The following FBN1 variants were observed in gnomAD, a reference collection of about 807,000 sequenced individuals.
FBN1 encodes fibrillin 1.
Under a neutral mutation model 365.1 loss-of-function variants are expected in FBN1, and 29 were observed. That is an observed-to-expected ratio of 0.08 (90% CI 0.06 to 0.11). FBN1 has a LOEUF of 0.11. Ranked by LOEUF, FBN1 falls within the 10% of genes least tolerant of loss-of-function variation. FBN1 has a pLI of 1.00. For synonymous variants in FBN1, 1,210 were observed against 1,270.5 expected (o/e 0.95, Z 1.01); for missense variants, 2,476 against 3,703.2 (o/e 0.67, Z 8.60).
At chr15:48,536,938 A>G (rs1257171329) in intron 7 of FBN1, among the ~76,000 whole-genome samples, 1 of 152,170 alleles carries the variant, frequency 6.6e-6, no homozygotes, top group Non-Finnish European at 1.5e-5. Flanking sequence ...TTTCAATCCC[A>G]TCAGTTTAGT....
chr15:48,630,731 C>CAAAAAAAAAAAAAAA (rs11393587), intron 2 of FBN1, among the ~76,000 whole-genome samples: 9 of 111,062 alleles, frequency 8.1e-5, no homozygotes, highest in East Asian at 2.7e-4. Flanking sequence ...GACTCCATCT[C>CAAAAAAAAAAAAAAA]AAAAAAAAAA....
At chr15:48,607,374 A>ATC (rs562248904) in intron 4 of FBN1, among the ~76,000 whole-genome samples, 1,848 of 147,916 alleles carry the variant, frequency 0.012, 40 homozygotes, top group African/African-American at 0.044. Context: ...ATACATATAT[A>ATC]TATATATATA....
rs1409603324 is a variant in FBN1 at position 48,425,347 on chromosome 15, G to C, written c.7453+22C>G. The C allele has an allele frequency of 1.9e-6, 3 of 1,613,854 alleles. No homozygotes were observed. In the African/African-American group the frequency reaches 4.0e-5, roughly 22 times the overall value. On this transcript the variant is annotated intron_variant, in intron 60 of 65. Transcript: ENST00000316623. Reference sequence around the variant, plus strand: ...CCATGTGTCAGGAGCTAGGTGAGGGGCAATGGTCAATTCTACTTTACCTTT... The same window carrying C: ...CCATGTGTCAGGAGCTAGGTGAGGGCCAATGGTCAATTCTACTTTACCTTT...
chr15:48,467,239 A>C (rs2043330576), intron 38 of FBN1, among the ~76,000 whole-genome samples: 1 of 152,214 alleles, frequency 6.6e-6, no homozygotes. Flanking sequence ...GATCTAGTCT[A>C]ATTCATCTTT....
intron 2 of FBN1, among the ~76,000 whole-genome samples, chr15:48,635,530 T>C (rs1416829134): frequency 6.6e-6 from 1 of 152,190 alleles, no homozygotes; most frequent in Non-Finnish European, 1.5e-5. Flanking sequence ...TAACCCCTAA[T>C]TTAAAAAATT....
intron 6 of FBN1, among the ~76,000 whole-genome samples, chr15:48,584,578 G>A (rs2044421513): frequency 6.6e-6 from 1 of 152,156 alleles, no homozygotes; most frequent in Non-Finnish European, 1.5e-5. Context: ...CTCCCAGTTG[G>A]CTCCGTCAAG....
intron 35 of FBN1, 73 bp from the exon 36 acceptor site, chr15:48,470,829 G>A: frequency 4.0e-6 from 6 of 1,509,690 alleles, no homozygotes; most frequent in Non-Finnish European, 5.4e-6. Flanking sequence ...AATATAATTA[G>A]GCAACTAATG....
chr15:48,621,633 A>T (rs1213882629), intron 2 of FBN1, among the ~76,000 whole-genome samples: 1 of 152,218 alleles, frequency 6.6e-6, no homozygotes. Context: ...TAAAAAGGAC[A>T]TTAAGTAAAA....
At chr15:48,537,906 G>T in intron 6 of FBN1, 98 bp from the exon 7 acceptor site, 1 of 1,232,542 alleles carries the variant, frequency 8.1e-7, no homozygotes, top group Non-Finnish European at 1.2e-6. Context: ...TCCAAATTGA[G>T]AAATGAATTT....
At position 48,534,066 on chromosome 15, in the gene FBN1, A is replaced by G; in HGVS notation, c.862+14T>C. ...CCACTACACCCCCCAACTGCAAAGC[A>G]TAAGATTTCTTACCTTCACATTTTT... On this transcript the variant is annotated intron_variant, in intron 8 of 65. Transcript: ENST00000316623. 1.3e-6 allele frequency: 2 copies of G among 1,597,424 alleles called. No individual in the cohort carries two copies. Among genetic ancestry groups the G allele is most frequent in the Non-Finnish European group, 8.5e-7 (1 of 1,169,634 alleles).
chr15:48,419,023 C>A (rs1323881334), intron 63 of FBN1, among the ~76,000 whole-genome samples: 3 of 152,150 alleles, frequency 2.0e-5, no homozygotes, highest in Non-Finnish European at 4.4e-5. Context: ...GAACTTCCAG[C>A]CACCTGGGAG....
intron 60 of FBN1, among the ~76,000 whole-genome samples, chr15:48,425,093 T>C (rs754748458): frequency 3.3e-5 from 5 of 151,926 alleles, no homozygotes; most frequent in South Asian, 2.1e-4. Flanking sequence ...ACCAGAGCCA[T>C]TGAAGCTGGC....
chr15:48,637,699 C>A (rs1308965919), intron 2 of FBN1, among the ~76,000 whole-genome samples: 1 of 152,192 alleles, frequency 6.6e-6, no homozygotes, highest in African/African-American at 2.4e-5. Context: ...CTATCAAAAA[C>A]TATTCTATTG....
intron 62 of FBN1, 70 bp downstream of exon 62, chr15:48,421,488 G>A (rs1427763976): frequency 3.8e-6 from 6 of 1,574,204 alleles, no homozygotes; most frequent in Non-Finnish European, 5.2e-6. Flanking sequence ...GATGATGAAG[G>A]TGCCAATAGC....
chr15:48,575,833 A>G (rs1401327566), intron 6 of FBN1, among the ~76,000 whole-genome samples: 2 of 141,126 alleles, frequency 1.4e-5, no homozygotes, highest in South Asian at 4.6e-4. Flanking sequence ...ACACACACAC[A>G]CACACACACA....
chr15:48,534,273 T>G, intron 7 of FBN1, 68 bp from the exon 8 acceptor site: 1 of 1,507,464 alleles, frequency 6.6e-7, no homozygotes, highest in South Asian at 1.2e-5. Context: ...GAATAAAATG[T>G]GATAATTTGT....
intron 62 of FBN1, 76 bp from the exon 63 acceptor site, chr15:48,420,882 C>T: frequency 6.5e-7 from 1 of 1,546,150 alleles, no homozygotes; most frequent in Non-Finnish European, 8.9e-7. Context: ...AATAAGAAAT[C>T]TGGCCCCTAC....
At chr15:48,638,821 G>A (rs1890147740) in intron 2 of FBN1, among the ~76,000 whole-genome samples, 1 of 152,170 alleles carries the variant, frequency 6.6e-6, no homozygotes, top group Non-Finnish European at 1.5e-5. Flanking sequence ...CAGGGGACAT[G>A]ACAGCAAGAG....
chr15:48,529,539 T>C (rs1227494708), intron 8 of FBN1: 1 of 152,250 alleles, frequency 6.6e-6, no homozygotes, highest in Non-Finnish European at 1.5e-5. Flanking sequence ...CTTGGCTATC[T>C]AGAAGCTCCA....
Sources: allele counts gnomAD v4.1 joint callset (sites outside exome capture counted in the v4.1 genomes callset), GRCh38; gene constraint gnomAD v4.1.1; transcripts MANE v1.5; gene names NCBI Gene and HGNC (gene_info 2026-07-23, HGNC 2026-07-21).